Variants in GALNT18 observed in about 807,000 individuals in gnomAD.
The protein encoded by GALNT18 is GalNAc-transferase 18.
Under a neutral mutation model 69.5 loss-of-function variants are expected in GALNT18, and 44 were observed. That is an observed-to-expected ratio of 0.63 (90% CI 0.50 to 0.81). GALNT18 has a LOEUF of 0.81. GALNT18 is among the 40% of genes least tolerant of loss of function. The pLI is 0.00. For synonymous variants in GALNT18, 364 were observed against 318.2 expected (o/e 1.14, Z -1.53); for missense variants, 715 against 810.0 (o/e 0.88, Z 1.42).
intron 1 of GALNT18, among the ~76,000 whole-genome samples, chr11:11,561,618 A>G (rs530574176): frequency 6.6e-6 from 1 of 152,338 alleles, no homozygotes; most frequent in Admixed American, 6.5e-5. Flanking sequence ...ATTCATCCCA[A>G]AAGTATACAG....
At chr11:11,549,492 G>A (rs1332932531) in intron 1 of GALNT18, among the ~76,000 whole-genome samples, 1 of 152,136 alleles carries the variant, frequency 6.6e-6, no homozygotes, top group East Asian at 1.9e-4. Context: ...CTCTTTAAGG[G>A]GCTTCTTCCA....
At chr11:11,512,560 T>C (rs149084427) in intron 1 of GALNT18, among the ~76,000 whole-genome samples, 119 of 152,276 alleles carry the variant, frequency 7.8e-4, no homozygotes, top group African/African-American at 2.5e-3. Context: ...TACACACACA[T>C]AGTTTCTTTC....
intron 9 of GALNT18, among the ~76,000 whole-genome samples, chr11:11,319,171 G>A (rs1849802528): frequency 6.6e-6 from 1 of 152,022 alleles, no homozygotes; most frequent in Non-Finnish European, 1.5e-5. Context: ...GTCTTACAAA[G>A]TCAGCAAGAT....
At chr11:11,516,053 G>T (rs369742339) in intron 1 of GALNT18, among the ~76,000 whole-genome samples, 1 of 152,320 alleles carries the variant, frequency 6.6e-6, no homozygotes, top group East Asian at 1.9e-4. Flanking sequence ...ATATGGGGCT[G>T]GGCCCTGAGT....
chr11:11,429,245 T>C (rs888248650), intron 3 of GALNT18, among the ~76,000 whole-genome samples: 1 of 152,216 alleles, frequency 6.6e-6, no homozygotes, highest in Admixed American at 6.5e-5. Context: ...AAATTCTCTC[T>C]GCCCACGGAG....
chr11:11,293,544 T>TTTC (rs1849345269), intron 9 of GALNT18, among the ~76,000 whole-genome samples: 2 of 141,832 alleles, frequency 1.4e-5, no homozygotes, highest in East Asian at 2.0e-4. Context: ...TTTTTTTTTT[T>TTTC]TTTTTTTTTT....
intron 5 of GALNT18, among the ~76,000 whole-genome samples, chr11:11,374,588 G>C (rs1589949253): frequency 6.6e-6 from 1 of 152,282 alleles, no homozygotes; most frequent in East Asian, 1.9e-4. Flanking sequence ...GTTCAAGCCA[G>C]GTAATGAACA....
At position 11,551,915 on chromosome 11, in the gene GALNT18, A is replaced by G. The variant is rs150222493; in HGVS notation, c.235+69444T>C. Among the ~76,000 whole-genome samples, 699 of 152,324 alleles carry G rather than the reference A, an allele frequency of 4.6e-3. 6 individuals are homozygous for G. The highest frequency in any genetic ancestry group is 0.016 in the African/African-American group (671 of 41,566). ...CATTCTCCAGGGTGGGGAGAATTACAAAGAACCTTCTTAAGGGTGGGGGAG... is the reference window on the plus strand; with the variant it reads ...CATTCTCCAGGGTGGGGAGAATTACGAAGAACCTTCTTAAGGGTGGGGGAG... On this transcript the variant is annotated intron_variant, in intron 1 of 10. Transcript: ENST00000227756.
At chr11:11,425,545 G>A (rs1855108155) in intron 3 of GALNT18, among the ~76,000 whole-genome samples, 1 of 152,250 alleles carries the variant, frequency 6.6e-6, no homozygotes, top group African/African-American at 2.4e-5. Context: ...AGAAGGGTAT[G>A]TGATTTTTAT....
chr11:11,423,093 C>T (rs1011880798), intron 3 of GALNT18, among the ~76,000 whole-genome samples: 27 of 152,164 alleles, frequency 1.8e-4, no homozygotes, highest in African/African-American at 6.5e-4. Context: ...GGTCCGCATC[C>T]ACCCACAAGC....
intron 3 of GALNT18, among the ~76,000 whole-genome samples, chr11:11,429,080 T>C (rs1303486394): frequency 6.6e-6 from 1 of 152,208 alleles, no homozygotes. Flanking sequence ...TTTATCTTCA[T>C]CTGGCTTCGA....
intron 6 of GALNT18, among the ~76,000 whole-genome samples, chr11:11,369,322 A>G (rs1180277108): frequency 6.6e-6 from 1 of 151,950 alleles, no homozygotes; most frequent in African/African-American, 2.4e-5. Context: ...CCTCTAGGGA[A>G]GGATCCTTCT....
intron 6 of GALNT18, among the ~76,000 whole-genome samples, chr11:11,342,082 T>C (rs1373230488): frequency 6.6e-6 from 1 of 152,130 alleles, no homozygotes; most frequent in Non-Finnish European, 1.5e-5. Context: ...GCCCTTGATA[T>C]CACAACTTAC....
intron 1 of GALNT18, among the ~76,000 whole-genome samples, chr11:11,530,051 A>T (rs895721338): frequency 5.9e-5 from 9 of 152,120 alleles, no homozygotes; most frequent in African/African-American, 2.2e-4. Context: ...GCTTGAAGTC[A>T]AGGCCTTAAT....
At chr11:11,311,879 C>G (rs879862371) in intron 9 of GALNT18, among the ~76,000 whole-genome samples, 16 of 152,200 alleles carry the variant, frequency 1.1e-4, no homozygotes, top group Non-Finnish European at 2.2e-4. Context: ...GCCATGGTGC[C>G]AAGCATCCTA....
rs768853548 is a variant in GALNT18, at chr11:11,590,424, T to C, written c.235+30935A>G. On this transcript the variant is annotated intron_variant, in intron 1 of 10. Transcript: ENST00000227756. The surrounding 1 kb of genome is among the most constrained non-coding windows in gnomAD (Gnocchi z 4.4). ...GGGTAAGTGAGGGATATTTTCATTG[T>C]ACTGGTTAAAGCCACTGGTTTGGAA... 6.6e-6 allele frequency among the ~76,000 whole-genome samples: 1 copy of C among 152,222 alleles called. No individual in the cohort carries two copies. Among genetic ancestry groups the C allele is most frequent in the Non-Finnish European group, 1.5e-5 (1 of 68,046 alleles).
At chr11:11,390,394 G>A (rs1239548398) in intron 3 of GALNT18, among the ~76,000 whole-genome samples, 1 of 152,184 alleles carries the variant, frequency 6.6e-6, no homozygotes, top group Non-Finnish European at 1.5e-5. Context: ...TTTCCTTGGG[G>A]CAAAGACACA....
chr11:11,409,153 C>T (rs1476765472), intron 3 of GALNT18, among the ~76,000 whole-genome samples: 2 of 152,162 alleles, frequency 1.3e-5, no homozygotes, highest in Admixed American at 6.5e-5. Flanking sequence ...CCTGCTGAGG[C>T]GTGGGAGGCT....
chr11:11,419,466 G>A (rs570277134), intron 3 of GALNT18, among the ~76,000 whole-genome samples: 4 of 151,582 alleles, frequency 2.6e-5, no homozygotes, highest in Admixed American at 2.6e-4. Context: ...GCATGGTAGC[G>A]CACGCCTGTA....
Sources: allele counts gnomAD v4.1 joint callset (sites outside exome capture counted in the v4.1 genomes callset), GRCh38; gene constraint gnomAD v4.1.1; non-coding constraint Gnocchi (gnomAD v3.1); transcripts MANE v1.5; gene names NCBI Gene and HGNC (gene_info 2026-07-23, HGNC 2026-07-21).